Variants in ERBB4 observed in about 807,000 individuals in gnomAD.
ERBB4 encodes the protein receptor tyrosine-protein kinase erbB-4.
A neutral mutation model predicts 158.0 loss-of-function variants in ERBB4; 42 were observed. The observed-to-expected ratio is 0.27, with a 90% confidence interval of 0.21 to 0.34. The LOEUF (loss-of-function observed/expected upper bound fraction) is 0.34, where lower values mean the gene tolerates loss of function less well. Among genes scored for constraint, ERBB4 ranks in the 10% least tolerant of loss-of-function variants. ERBB4 has a pLI of 1.00. For synonymous variants in ERBB4, 583 were observed against 558.7 expected, an observed-to-expected ratio of 1.04 and a Z score of -0.61; for missense variants, 1,333 against 1,624.1, an observed-to-expected ratio of 0.82 and a Z score of 3.08.
At chr2:212,259,066 C>A (rs1404181377) in intron 1 of ERBB4, among the ~76,000 whole-genome samples, 4 of 152,034 alleles carry the variant, frequency 2.6e-5, no homozygotes, top group African/African-American at 4.8e-5. Context: ...ATTCTTCCAA[C>A]TTTTAAATAT....
chr2:211,911,016 C>A (rs1053111011), intron 3 of ERBB4, among the ~76,000 whole-genome samples: 6 of 152,154 alleles, frequency 3.9e-5, no homozygotes, highest in African/African-American at 1.4e-4. Flanking sequence ...CAGCCTGCAG[C>A]ATCAATGTTT....
chr2:211,529,830 G>C (rs77131763), intron 20 of ERBB4, among the ~76,000 whole-genome samples: 2,325 of 152,162 alleles, frequency 0.015, 60 homozygotes, highest in African/African-American at 0.053. Context: ...ACTAAGTGTA[G>C]AAGGAACACA....
chr2:212,206,887 C>G (rs765925627), intron 1 of ERBB4, among the ~76,000 whole-genome samples: 13 of 151,640 alleles, frequency 8.6e-5, no homozygotes, highest in South Asian at 2.1e-4. Flanking sequence ...CGCGCCCGGC[C>G]TAGTCTGTTC....
intron 4 of ERBB4, among the ~76,000 whole-genome samples, chr2:211,773,646 A>G (rs1278197374): frequency 2.2e-5 from 2 of 89,560 alleles, no homozygotes; most frequent in Non-Finnish European, 4.4e-5. Flanking sequence ...ATATATATAT[A>G]TAATATATAT....
intron 2 of ERBB4, among the ~76,000 whole-genome samples, chr2:211,984,889 A>G (rs191502451): frequency 2.7e-4 from 41 of 151,872 alleles, no homozygotes; most frequent in Admixed American, 2.6e-4. Flanking sequence ...TGCCCAGCTA[A>G]TTTTTTATTT....
intron 2 of ERBB4, among the ~76,000 whole-genome samples, chr2:211,952,809 G>A (rs1472173684): frequency 1.3e-5 from 2 of 151,952 alleles, no homozygotes; most frequent in African/African-American, 4.8e-5. Context: ...TTTAACAGAT[G>A]CTAAGTATTA....
Position 211,583,415 on chromosome 2 carries a change from C to T in ERBB4, c.2302-21327G>A, listed in dbSNP as rs2068162071. Among the ~76,000 whole-genome samples, 4 of 151,638 alleles carry T rather than the reference C, an allele frequency of 2.6e-5. No individual in the cohort carries two copies. In the South Asian group the frequency reaches 8.4e-4, roughly 32 times the overall value. On this transcript the variant is annotated intron_variant, in intron 19 of 27. Coordinates refer to ENST00000342788, the MANE Select transcript of ERBB4 (RefSeq NM_005235.3). ...TAATTAATTGTTCAAAATACTAGAG[C>T]CAAACACATCAATAAAATGATTAAT...
chr2:212,530,199 T>C (rs1406406829), intron 1 of ERBB4, among the ~76,000 whole-genome samples: 2 of 152,152 alleles, frequency 1.3e-5, no homozygotes, highest in Non-Finnish European at 2.9e-5. Flanking sequence ...CTGAGGTTTC[T>C]AAGGACCAGA....
intron 1 of ERBB4, among the ~76,000 whole-genome samples, chr2:212,232,892 A>T (rs969831649): frequency 4.1e-4 from 61 of 148,796 alleles, no homozygotes; most frequent in African/African-American, 1.3e-3. Flanking sequence ...CTTGCGCTAC[A>T]GAGATTTTTA....
At chr2:211,888,684 G>C (rs867669621) in intron 3 of ERBB4, among the ~76,000 whole-genome samples, 5,604 of 151,862 alleles carry the variant, frequency 0.037, 103 homozygotes, top group African/African-American at 0.069. Flanking sequence ...GCAGGCCAGT[G>C]GGTGCGCGCA....
chr2:211,901,279 T>C (rs2079228265), intron 3 of ERBB4, among the ~76,000 whole-genome samples: 1 of 152,132 alleles, frequency 6.6e-6, no homozygotes, highest in African/African-American at 2.4e-5. Flanking sequence ...TGGCATTTGC[T>C]CTCTTTTTAA....
chr2:212,275,293 T>C (rs571134994), intron 1 of ERBB4, among the ~76,000 whole-genome samples: 5 of 152,066 alleles, frequency 3.3e-5, no homozygotes, highest in Admixed American at 2.0e-4. Flanking sequence ...TACCCAGTAA[T>C]GGGATGGCTG....
chr2:211,776,250 C>T (rs1358579546), intron 4 of ERBB4, among the ~76,000 whole-genome samples: 1 of 152,120 alleles, frequency 6.6e-6, no homozygotes, highest in Non-Finnish European at 1.5e-5. Flanking sequence ...TGAGGATAGA[C>T]CTTAAACATT....
At chr2:211,723,317 T>C (rs147398410) in intron 6 of ERBB4, among the ~76,000 whole-genome samples, 48 of 152,284 alleles carry the variant, frequency 3.2e-4, no homozygotes, top group African/African-American at 1.1e-3. Context: ...AGAATATATG[T>C]GTAAGTACAT....
At chr2:212,286,594 C>CTTTTTTTTTTTTTTT (rs71054190) in intron 1 of ERBB4, among the ~76,000 whole-genome samples, 3 of 55,538 alleles carry the variant, frequency 5.4e-5, no homozygotes, top group African/African-American at 1.2e-4. Context: ...TAAGTGCTGA[C>CTTTTTTTTTTTTTTT]TTTTTTTTTT....
At chr2:212,431,142 C>T (rs1045708570) in intron 1 of ERBB4, among the ~76,000 whole-genome samples, 3 of 151,750 alleles carry the variant, frequency 2.0e-5, no homozygotes, top group Non-Finnish European at 2.9e-5. Flanking sequence ...TCCAGGAGGA[C>T]GAATGCTACT....
In ERBB4 at chr2:211,380,852, TAA is replaced by T. The variant is rs1311128786; in HGVS notation, c.*2761_*2762del. On this transcript the variant is annotated 3_prime_UTR_variant, in exon 28 of 28. Coordinates refer to ENST00000342788, the MANE Select transcript of ERBB4 (RefSeq NM_005235.3). Reference sequence around the variant, plus strand: ...AATACATTTCTGTTACCTTAACAGTTAAAAGTTTGTTTTAACTATTCATTTTT... The same window carrying T: ...AATACATTTCTGTTACCTTAACAGTTAAGTTTGTTTTAACTATTCATTTTT... The T allele has an allele frequency of 8.6e-6, 2 of 231,862 alleles. No homozygotes were observed. Among genetic ancestry groups the T allele is most frequent in the African/African-American group, 4.4e-5 (2 of 45,254 alleles). 14.4% of individuals were successfully genotyped at this position (231,862 alleles called of 1,614,324 possible). A position where few individuals can be genotyped will look rare whatever the true frequency, so the allele number is the denominator to read the frequency against.
At position 212,148,931 on chromosome 2, in the gene ERBB4, C is replaced by T. The variant is rs533684731; in HGVS notation, c.83-24028G>A. ...ATCGCAAGAACAAAAAACCAAACACCGCATATTCTCACTCATAGGTGGGAA... is the reference window on the plus strand; with the variant it reads ...ATCGCAAGAACAAAAAACCAAACACTGCATATTCTCACTCATAGGTGGGAA... On this transcript the variant is annotated intron_variant, in intron 1 of 27. Transcript: ENST00000342788. Among the ~76,000 whole-genome samples the T allele has an allele frequency of 9.0e-3, 1,048 of 116,208 alleles. 3 individuals are homozygous for T. Among genetic ancestry groups the T allele is most frequent in the Middle Eastern group, 0.026 (7 of 268 alleles). The allele number at this position is 116,208 out of a possible 152,430, so 76.2% of individuals were successfully genotyped here. A position where few individuals can be genotyped will look rare whatever the true frequency, so the allele number is the denominator to read the frequency against.
At chr2:212,227,104 G>A (rs2083497643) in intron 1 of ERBB4, among the ~76,000 whole-genome samples, 1 of 152,030 alleles carries the variant, frequency 6.6e-6, no homozygotes, top group South Asian at 2.1e-4. Context: ...AAATTAGCCA[G>A]GTTTGGTGGT....
Sources: allele counts gnomAD v4.1 joint callset (sites outside exome capture counted in the v4.1 genomes callset), GRCh38; gene constraint gnomAD v4.1.1; transcripts MANE v1.5; gene names NCBI Gene and HGNC (gene_info 2026-07-23, HGNC 2026-07-21).